The following NBEA variants were observed in gnomAD, a reference collection of about 807,000 sequenced individuals.
The protein encoded by NBEA is lysosomal-trafficking regulator 2.
Under a neutral mutation model 343.4 loss-of-function variants are expected in NBEA, and 44 were observed. The ratio of observed to expected loss-of-function variants is 0.13; its 90% CI spans 0.10 to 0.16. NBEA has a LOEUF of 0.16. NBEA is among the 10% of genes least tolerant of loss of function. The pLI, the probability that NBEA is intolerant of heterozygous loss-of-function variation, is 1.00. For missense variants in NBEA, 2,555 were observed against 3,631.3 expected (o/e 0.70, Z 7.62); for synonymous variants, 1,175 against 1,238.7 (o/e 0.95, Z 1.08).
At chr13:35,061,976 G>T (rs2063484015) in intron 8 of NBEA, among the ~76,000 whole-genome samples, 1 of 151,580 alleles carries the variant, frequency 6.6e-6, no homozygotes, top group African/African-American at 2.4e-5. Context: ...ATTGTACGGA[G>T]TAGTAGTCAC....
chr13:35,594,994 T>C (rs940861357), intron 47 of NBEA, among the ~76,000 whole-genome samples: 11 of 118,132 alleles, frequency 9.3e-5, no homozygotes, highest in Middle Eastern at 4.1e-3. Flanking sequence ...CACACACAAA[T>C]TGGCTTTTCA....
intron 28 of NBEA, 105 bp from the exon 29 acceptor site, chr13:35,182,250 ACATAT>A (rs1440644217): frequency 1.1e-5 from 7 of 629,284 alleles, no homozygotes; most frequent in African/African-American, 7.6e-5. Flanking sequence ...CATAAAAGTT[ACATAT>A]CATATTTTGC....
intron 8 of NBEA, among the ~76,000 whole-genome samples, chr13:35,065,408 T>G (rs1248244308): frequency 3.3e-5 from 5 of 152,022 alleles, no homozygotes; most frequent in Non-Finnish European, 7.4e-5. Flanking sequence ...TTATATCTAG[T>G]AATTTTGGTA....
At chr13:35,121,293 G>C (rs1351714037) in intron 16 of NBEA, among the ~76,000 whole-genome samples, 3 of 151,966 alleles carry the variant, frequency 2.0e-5, no homozygotes, top group African/African-American at 7.3e-5. Flanking sequence ...TTTTGGTAGA[G>C]ACAGGGTTTC....
intron 47 of NBEA, among the ~76,000 whole-genome samples, chr13:35,604,362 T>C (rs573619309): frequency 1.5e-4 from 23 of 152,276 alleles, no homozygotes; most frequent in Middle Eastern, 3.4e-3. Context: ...CTTGAGGTCT[T>C]GTACATAGTT....
chr13:35,239,589 G>A (rs1049908141), intron 34 of NBEA, among the ~76,000 whole-genome samples: 12 of 152,076 alleles, frequency 7.9e-5, no homozygotes, highest in Non-Finnish European at 1.8e-4. Context: ...AAATAGGAGA[G>A]TTTAAGTAAA....
At chr13:35,493,466 T>C (rs2076568245) in intron 41 of NBEA, among the ~76,000 whole-genome samples, 1 of 151,968 alleles carries the variant, frequency 6.6e-6, no homozygotes, top group South Asian at 2.1e-4. Flanking sequence ...CAAGTGATAA[T>C]CCACTTTAGT....
At chr13:35,299,230 T>C (rs1050526173) in intron 35 of NBEA, among the ~76,000 whole-genome samples, 2 of 152,178 alleles carry the variant, frequency 1.3e-5, no homozygotes, top group African/African-American at 4.8e-5. Flanking sequence ...AAGATATCAA[T>C]TTACTCTACC....
intron 34 of NBEA, among the ~76,000 whole-genome samples, chr13:35,275,624 C>T (rs937424939): frequency 1.3e-5 from 2 of 152,258 alleles, no homozygotes; most frequent in South Asian, 4.2e-4. Flanking sequence ...GGGCTAATAT[C>T]CAGAATCTAC....
At chr13:35,584,857 T>C (rs2081223660) in intron 46 of NBEA, among the ~76,000 whole-genome samples, 1 of 151,838 alleles carries the variant, frequency 6.6e-6, no homozygotes, top group African/African-American at 2.4e-5. Context: ...TCTCTCACTT[T>C]TGTTCTCCTG....
chr13:35,308,652 A>G (rs936183534), intron 35 of NBEA, among the ~76,000 whole-genome samples: 1 of 144,700 alleles, frequency 6.9e-6, no homozygotes, highest in African/African-American at 2.5e-5. Context: ...ATATGTATTT[A>G]AAACCCCATA....
chr13:35,665,068 C>CTGCTGTTTTCT lies in NBEA; in HGVS notation c.8363-13_8363-3dup. 1.9e-6 allele frequency: 3 copies of CTGCTGTTTTCT among 1,545,844 alleles called. No homozygotes were observed. The highest frequency in any genetic ancestry group is 2.6e-6 in the Non-Finnish European group (3 of 1,137,496). On this transcript the variant is annotated splice_polypyrimidine_tract_variant and intron_variant, in intron 55 of 58. Transcript: ENST00000379939. The stretch of plus-strand genomic sequence containing the variant: ...GCTATTGGTCTGTAGTGCCTCACTG[C>CTGCTGTTTTCT]TGCTGTTTTCTTGCAGGTGACTATC...
chr13:35,192,258 T>G (rs1477482989), intron 30 of NBEA, among the ~76,000 whole-genome samples: 1 of 151,960 alleles, frequency 6.6e-6, no homozygotes, highest in Non-Finnish European at 1.5e-5. Flanking sequence ...CACAAAGAGG[T>G]ATTCTGGAAA....
chr13:35,446,895 A>G (rs1241714875), intron 39 of NBEA, among the ~76,000 whole-genome samples: 1 of 152,090 alleles, frequency 6.6e-6, no homozygotes, highest in Non-Finnish European at 1.5e-5. Flanking sequence ...TAATAATAGC[A>G]TAAGCTGGTG....
intron 1 of NBEA, among the ~76,000 whole-genome samples, chr13:35,003,380 A>G (rs908577559): frequency 1.3e-5 from 2 of 151,466 alleles, no homozygotes; most frequent in Admixed American, 1.3e-4. Flanking sequence ...AAAAAGAAAG[A>G]AAGGGTATGC....
intron 8 of NBEA, among the ~76,000 whole-genome samples, chr13:35,063,978 T>G (rs1230871224): frequency 6.6e-6 from 1 of 151,966 alleles, no homozygotes; most frequent in Non-Finnish European, 1.5e-5. Context: ...TGTCATTTAC[T>G]GAGATGGGGA....
At chr13:35,487,291 T>C (rs1290968353) in intron 41 of NBEA, among the ~76,000 whole-genome samples, 2 of 152,002 alleles carry the variant, frequency 1.3e-5, no homozygotes, top group Admixed American at 6.6e-5. Flanking sequence ...AGTAGAATTA[T>C]ATTAGTACTT....
chr13:35,211,736 T>C (rs1490686749), intron 33 of NBEA, among the ~76,000 whole-genome samples: 1 of 151,994 alleles, frequency 6.6e-6, no homozygotes, highest in East Asian at 1.9e-4. Flanking sequence ...GGAGAATCAC[T>C]TGAACCCGGG....
chr13:35,426,612 C>T (rs2044694288), intron 38 of NBEA, among the ~76,000 whole-genome samples: 3 of 152,100 alleles, frequency 2.0e-5, no homozygotes, highest in Admixed American at 6.6e-5. Flanking sequence ...GTGAATCTGA[C>T]AATTATGTGT....
Sources: allele counts gnomAD v4.1 joint callset (sites outside exome capture counted in the v4.1 genomes callset), GRCh38; gene constraint gnomAD v4.1.1; transcripts MANE v1.5; gene names NCBI Gene and HGNC (gene_info 2026-07-23, HGNC 2026-07-21).